Variants in NEGR1 observed in about 807,000 individuals in gnomAD.
NEGR1 encodes IgLON family member 4.
A neutral mutation model predicts 40.9 loss-of-function variants in NEGR1; 10 were observed. The ratio of observed to expected loss-of-function variants is 0.24; its 90% CI spans 0.15 to 0.42. NEGR1 has a LOEUF of 0.42. Ranked by LOEUF, NEGR1 falls within the 10% of genes least tolerant of loss-of-function variation. The pLI, the probability that NEGR1 is intolerant of heterozygous loss-of-function variation, is 1.00. For missense variants in NEGR1, 352 were observed against 438.9 expected, an observed-to-expected ratio of 0.80 and a Z score of 1.77; for synonymous variants, 185 against 166.8, an observed-to-expected ratio of 1.11 and a Z score of -0.84.
chr1:72,016,299 A>C (rs1241590636), intron 1 of NEGR1, among the ~76,000 whole-genome samples: 1 of 152,200 alleles, frequency 6.6e-6, no homozygotes, highest in Non-Finnish European at 1.5e-5. Context: ...TCATTAAAAA[A>C]GCCACATAAG....
At chr1:71,723,914 T>C (rs1654590317) in intron 3 of NEGR1, among the ~76,000 whole-genome samples, 1 of 152,134 alleles carries the variant, frequency 6.6e-6, no homozygotes, top group Non-Finnish European at 1.5e-5. Context: ...AATTAAATCC[T>C]TGGACACCCA....
chr1:71,757,982 C>G (rs1655799776), intron 3 of NEGR1, among the ~76,000 whole-genome samples: 1 of 151,728 alleles, frequency 6.6e-6, no homozygotes, highest in African/African-American at 2.4e-5. Flanking sequence ...TTTTTTTTAA[C>G]TCTTTGCCTG....
intron 1 of NEGR1, among the ~76,000 whole-genome samples, chr1:72,170,710 A>C (rs1651929931): frequency 6.6e-6 from 1 of 152,164 alleles, no homozygotes; most frequent in Admixed American, 6.6e-5. Flanking sequence ...GTTTGATGTA[A>C]CTGTAGATAT....
At chr1:72,026,373 CTT>C (rs34356052) in intron 1 of NEGR1, among the ~76,000 whole-genome samples, 10 of 143,654 alleles carry the variant, frequency 7.0e-5, no homozygotes, top group African/African-American at 2.3e-4. Flanking sequence ...TCCAAGCTAC[CTT>C]TTTTTTTTTT....
intron 1 of NEGR1, among the ~76,000 whole-genome samples, chr1:72,223,876 C>A (rs760143421): frequency 3.9e-5 from 6 of 152,120 alleles, no homozygotes; most frequent in African/African-American, 1.4e-4. Flanking sequence ...CATCTCCCAG[C>A]AGCTTGACAG....
At chr1:71,971,777 C>T (rs1185144022) in intron 1 of NEGR1, among the ~76,000 whole-genome samples, 2 of 152,118 alleles carry the variant, frequency 1.3e-5, no homozygotes, top group African/African-American at 2.4e-5. Context: ...AATATGGTCA[C>T]GTATTTTTAA....
chr1:71,822,757 C>A (rs1658477336), intron 2 of NEGR1, among the ~76,000 whole-genome samples: 1 of 151,970 alleles, frequency 6.6e-6, no homozygotes, highest in Non-Finnish European at 1.5e-5. Flanking sequence ...CTATTAAAGG[C>A]TCACAGCGTG....
At chr1:72,226,123 G>C (rs533282743) in intron 1 of NEGR1, among the ~76,000 whole-genome samples, 1 of 151,832 alleles carries the variant, frequency 6.6e-6, no homozygotes, top group Admixed American at 6.6e-5. Context: ...AAATCTACTG[G>C]CTTAATCAAG....
intron 6 of NEGR1, among the ~76,000 whole-genome samples, chr1:71,454,885 G>A (rs1646661419): frequency 1.3e-5 from 2 of 152,102 alleles, no homozygotes; most frequent in Admixed American, 6.5e-5. Flanking sequence ...CTTTCCTTAG[G>A]ACACCATTTT....
At chr1:71,539,661 A>G (rs374085365) in intron 6 of NEGR1, among the ~76,000 whole-genome samples, 4 of 151,824 alleles carry the variant, frequency 2.6e-5, no homozygotes, top group East Asian at 2.0e-4. Context: ...AAAAAGTCCA[A>G]TGTCAAAACT....
chr1:71,999,409 C>T (rs1429011291), intron 1 of NEGR1, among the ~76,000 whole-genome samples: 6 of 150,882 alleles, frequency 4.0e-5, no homozygotes, highest in African/African-American at 1.5e-4. Flanking sequence ...TTTTTCCTGT[C>T]TGGGAAGATG....
intron 6 of NEGR1, among the ~76,000 whole-genome samples, chr1:71,453,515 G>C (rs1248099135): frequency 6.6e-6 from 1 of 151,994 alleles, no homozygotes; most frequent in Non-Finnish European, 1.5e-5. Flanking sequence ...TAGTTTCATA[G>C]GAAAACAACA....
chr1:71,962,258 A>C (rs1423095182), intron 1 of NEGR1, among the ~76,000 whole-genome samples: 1 of 152,122 alleles, frequency 6.6e-6, no homozygotes, highest in East Asian at 1.9e-4. Flanking sequence ...TATTGGAAAG[A>C]AATCAAAAAA....
At chr1:71,771,116 C>A (rs9662397) in intron 3 of NEGR1, among the ~76,000 whole-genome samples, 113,412 of 151,998 alleles carry the variant, frequency 0.75, 44,235 homozygotes, top group East Asian at 0.86. Context: ...GAATACTATG[C>A]AGCCATAAAA....
intron 2 of NEGR1, among the ~76,000 whole-genome samples, chr1:71,880,270 T>C (rs1660546571): frequency 6.6e-6 from 1 of 152,018 alleles, no homozygotes; most frequent in African/African-American, 2.4e-5. Context: ...ATCCTTCCTA[T>C]ATATTAGATT....
At chr1:71,620,375 A>G (rs1282790523) in intron 4 of NEGR1, among the ~76,000 whole-genome samples, 1 of 152,040 alleles carries the variant, frequency 6.6e-6, no homozygotes, top group Non-Finnish European at 1.5e-5. Flanking sequence ...TCAAATGGAC[A>G]GTCTTTGGAA....
At chr1:71,656,998 A>C (rs1421213488) in intron 4 of NEGR1, among the ~76,000 whole-genome samples, 2 of 152,242 alleles carry the variant, frequency 1.3e-5, no homozygotes, top group African/African-American at 4.8e-5. Context: ...GTTTGGCTTC[A>C]AAAATAATAG....
intron 1 of NEGR1, among the ~76,000 whole-genome samples, chr1:72,251,425 A>C (rs890038809): frequency 6.6e-6 from 1 of 152,206 alleles, no homozygotes; most frequent in African/African-American, 2.4e-5. Context: ...ACTCAAAACC[A>C]CATAAAGGAC....
chr1:72,281,148 G>A (rs1221829135), intron 1 of NEGR1, among the ~76,000 whole-genome samples: 2 of 152,050 alleles, frequency 1.3e-5, no homozygotes, highest in Non-Finnish European at 2.9e-5. Flanking sequence ...GAGGAAAGAA[G>A]GGAAAATGAG....
Sources: gnomAD v4.1 joint callset for allele counts (sites outside exome capture counted in the v4.1 genomes callset) on GRCh38, gnomAD v4.1.1 for gene constraint, MANE v1.5 for transcripts, NCBI Gene and HGNC (gene_info 2026-07-23, HGNC 2026-07-21) for gene names.